Variants in QTGAL observed in about 807,000 individuals in gnomAD.
QTGAL encodes the protein BGnT-like protein 1.
At chr17:83,024,689 G>A in the QTGAL span, among the ~76,000 whole-genome samples, 12 of 152,260 alleles carry the variant, frequency 7.9e-5, no homozygotes, top group African/African-American at 1.7e-4. Flanking sequence ...CGGAAGCTGC[G>A]GGTTCCTGGT....
the QTGAL span, among the ~76,000 whole-genome samples, chr17:82,953,577 C>T: frequency 6.6e-6 from 1 of 152,140 alleles, no homozygotes; most frequent in South Asian, 2.1e-4. Context: ...CCGAATTCTA[C>T]CAGAGGTACA....
chr17:83,035,002 TTTATACA>T, the QTGAL span: 2 of 1,519,990 alleles, frequency 1.3e-6, no homozygotes, highest in Middle Eastern at 1.7e-4. Context: ...CATGTACACA[TTTATACA>T]TTATAAACAA....
chr17:83,002,243 A>C, the QTGAL span, among the ~76,000 whole-genome samples: 1 of 152,198 alleles, frequency 6.6e-6, no homozygotes, highest in Non-Finnish European at 1.5e-5. Flanking sequence ...CCCACGGGGC[A>C]GCTCAGCCAT....
chr17:82,984,785 G>A, the QTGAL span, among the ~76,000 whole-genome samples: 1 of 152,168 alleles, frequency 6.6e-6, no homozygotes, highest in Non-Finnish European at 1.5e-5. Flanking sequence ...ATCCCCCCAG[G>A]AGACGTGCAG....
chr17:83,016,377 C>G, the QTGAL span, among the ~76,000 whole-genome samples: 1 of 151,950 alleles, frequency 6.6e-6, no homozygotes, highest in South Asian at 2.1e-4. Context: ...ACGAACCATG[C>G]TGAGGGAAGC....
At chr17:83,050,521 A>G in the QTGAL span, among the ~76,000 whole-genome samples, 1 of 152,230 alleles carries the variant, frequency 6.6e-6, no homozygotes, top group Non-Finnish European at 1.5e-5. Context: ...ACCTTGATTC[A>G]CCTGTTACCA....
At chr17:82,964,030 G>GGCTGGC in the QTGAL span, among the ~76,000 whole-genome samples, 1 of 134,612 alleles carries the variant, frequency 7.4e-6, no homozygotes. Context: ...GCTGAGGTCG[G>GGCTGGC]GGGGGTGGAT....
the QTGAL span, among the ~76,000 whole-genome samples, chr17:82,994,541 G>T: frequency 1.1e-4 from 16 of 152,004 alleles, no homozygotes; most frequent in Non-Finnish European, 2.2e-4. Flanking sequence ...AAGTAACAGG[G>T]TCAAAGTCAT....
the QTGAL span, among the ~76,000 whole-genome samples, chr17:82,970,648 T>TGGCCGCGACCTCCCCACCCAGC: frequency 8.0e-3 from 267 of 33,558 alleles, 58 homozygotes; most frequent in South Asian, 0.019. Flanking sequence ...CCGCACCCGG[T>TGGCCGCGACCTCCCCACCCAGC]GTGGCCGCGA....
At chr17:82,975,936 GGACCAGA>G in the QTGAL span, among the ~76,000 whole-genome samples, 4 of 54,114 alleles carry the variant, frequency 7.4e-5, no homozygotes, top group African/African-American at 1.2e-4. Flanking sequence ...ATCCTCCCAG[GGACCAGA>G]GGCCACTATG....
chr17:82,943,217 T>C, the QTGAL span: 3 of 152,184 alleles, frequency 2.0e-5, no homozygotes, highest in African/African-American at 4.8e-5. Flanking sequence ...CTGGGCAGAG[T>C]CCACACTTGG....
At chr17:83,026,752 C>T in the QTGAL span, among the ~76,000 whole-genome samples, 3 of 122,250 alleles carry the variant, frequency 2.5e-5, no homozygotes, top group Non-Finnish European at 1.8e-5. Flanking sequence ...AACCCACCCT[C>T]GACAGACACA....
At chr17:83,045,677 T>C in the QTGAL span, among the ~76,000 whole-genome samples, 1 of 152,098 alleles carries the variant, frequency 6.6e-6, no homozygotes, top group Non-Finnish European at 1.5e-5. Flanking sequence ...AAATTGCAAA[T>C]TATATATAAT....
the QTGAL span, among the ~76,000 whole-genome samples, chr17:82,972,850 C>T: frequency 8.3e-6 from 1 of 120,178 alleles, no homozygotes; most frequent in Non-Finnish European, 1.9e-5. Flanking sequence ...GACCACACCA[C>T]ACTCATAGGG....
the QTGAL span, among the ~76,000 whole-genome samples, chr17:83,037,075 A>G: frequency 6.6e-6 from 1 of 152,218 alleles, no homozygotes; most frequent in Non-Finnish European, 1.5e-5. This position sits in a 1 kb window ranked among gnomAD's most constrained non-coding sequence, Gnocchi z 5.2. Context: ...CACCCAGGAA[A>G]GTCATACAAA....
chr17:83,008,387 G>C, the QTGAL span, among the ~76,000 whole-genome samples: 4 of 152,314 alleles, frequency 2.6e-5, no homozygotes, highest in African/African-American at 4.8e-5. Flanking sequence ...AACTCTTTCT[G>C]AATTTATACG....
chr17:83,048,881 C>T, the QTGAL span: 7 of 963,258 alleles, frequency 7.3e-6, no homozygotes, highest in African/African-American at 3.2e-5. Context: ...GCACATATGC[C>T]GTGACAAACA....
the QTGAL span, among the ~76,000 whole-genome samples, chr17:82,951,394 C>G: frequency 9.2e-5 from 14 of 152,216 alleles, no homozygotes; most frequent in Non-Finnish European, 1.9e-4. Flanking sequence ...TCACAGCTTC[C>G]TCACATCATT....
At chr17:83,021,368 T>C in the QTGAL span, among the ~76,000 whole-genome samples, 709 of 152,268 alleles carry the variant, frequency 4.7e-3, 3 homozygotes, top group Middle Eastern at 6.8e-3. Flanking sequence ...AATAAGCTAA[T>C]GTAGCATATT....
Sources: allele counts gnomAD v4.1 joint callset (sites outside exome capture counted in the v4.1 genomes callset), GRCh38; gene constraint gnomAD v4.1.1; non-coding constraint Gnocchi (gnomAD v3.1); transcripts MANE v1.5; gene names NCBI Gene and HGNC (gene_info 2026-07-23, HGNC 2026-07-21).